Variants in ZFYVE28 observed in about 807,000 individuals in gnomAD.
ZFYVE28 encodes the protein zinc finger FYVE-type containing 28.
ZFYVE28 carries 40 observed loss-of-function variants against 82.1 expected under a neutral mutation model. The ratio of observed to expected loss-of-function variants is 0.49; its 90% CI spans 0.38 to 0.63. ZFYVE28 has a LOEUF of 0.63. Among genes scored for constraint, ZFYVE28 ranks in the 30% least tolerant of loss-of-function variants. The pLI is 0.00. For missense variants in ZFYVE28, 1,321 were observed against 1,242.1 expected (o/e 1.06, Z -0.96); for synonymous variants, 612 against 546.1 (o/e 1.12, Z -1.68).
intron 6 of ZFYVE28, among the ~76,000 whole-genome samples, chr4:2,326,189 G>A (rs975664883): frequency 1.3e-5 from 2 of 152,048 alleles, no homozygotes; most frequent in African/African-American, 4.8e-5. Context: ...TAGAGTTTCT[G>A]GTCTTATATT....
intron 3 of ZFYVE28, among the ~76,000 whole-genome samples, chr4:2,340,796 G>C (rs921015684): frequency 6.6e-6 from 1 of 152,158 alleles, no homozygotes; most frequent in Non-Finnish European, 1.5e-5. Context: ...TCAGAAGGTG[G>C]GGTGGGCAGG....
At chr4:2,347,348 G>C (rs1331734765) in intron 2 of ZFYVE28, among the ~76,000 whole-genome samples, 2 of 152,130 alleles carry the variant, frequency 1.3e-5, no homozygotes, top group Admixed American at 6.5e-5. Flanking sequence ...CCACTGATAA[G>C]ACATAGAAAG....
chr4:2,387,594 C>T (rs1238729445), intron 1 of ZFYVE28, among the ~76,000 whole-genome samples: 1 of 152,318 alleles, frequency 6.6e-6, no homozygotes, highest in Non-Finnish European at 1.5e-5. Context: ...CAGGGACCCT[C>T]GCCAGAGCTT....
At position 2,271,408 on chromosome 4, in the gene ZFYVE28, G is replaced by A. The variant is rs775691742; in HGVS notation, c.2435C>T (p.Pro812Leu). 8.7e-6 allele frequency: 14 copies of A among 1,612,324 alleles called. No individual in the cohort carries two copies. Among genetic ancestry groups the A allele is most frequent in the East Asian group, 2.2e-5 (1 of 44,872 alleles). Residue 812 changes from proline (P) to leucine (L), a missense_variant, in exon 12 of 13, where the codon CCG becomes CTG. Physicochemically the swap from Pro to Leu is moderately conservative, Grantham distance 98. Around this residue, in one of 2 missense-constraint regions of ZFYVE28, gnomAD observed 978 missense variants for 833.7 expected, o/e 1.17. Transcript: ENST00000290974. ...KTRDGDFEDPPEWVPDEACGF... is the reference protein window; with the variant it reads ...KTRDGDFEDPLEWVPDEACGF... ...ACAGGCCTCGTCTGGCACCCACTCCGGGGGGTCTGTCACAACAACAGCAGC... is the reference window on the plus strand; with the variant it reads ...ACAGGCCTCGTCTGGCACCCACTCCAGGGGGTCTGTCACAACAACAGCAGC...
At chr4:2,374,383 G>A (rs578134096) in intron 1 of ZFYVE28, among the ~76,000 whole-genome samples, 10 of 152,284 alleles carry the variant, frequency 6.6e-5, no homozygotes, top group South Asian at 2.1e-4. Flanking sequence ...CGGCCAAGGC[G>A]GGAGGATTGT....
At chr4:2,350,191 G>A (rs548370414) in intron 2 of ZFYVE28, among the ~76,000 whole-genome samples, 6 of 152,180 alleles carry the variant, frequency 3.9e-5, no homozygotes, top group South Asian at 2.1e-4. Flanking sequence ...TAGGCCGGGC[G>A]CAGTGGCTCA....
intron 8 of ZFYVE28, among the ~76,000 whole-genome samples, chr4:2,276,708 C>T (rs151048494): frequency 5.8e-4 from 88 of 152,174 alleles, no homozygotes; most frequent in East Asian, 2.7e-3. Flanking sequence ...AACCCAGCTA[C>T]CAAAGGATGC....
At chr4:2,277,543 C>G (rs949246568) in intron 8 of ZFYVE28, among the ~76,000 whole-genome samples, 4 of 151,902 alleles carry the variant, frequency 2.6e-5, no homozygotes, top group African/African-American at 4.8e-5. Context: ...GATATGGTAG[C>G]AATAAACTGA....
chr4:2,364,721 G>C, intron 1 of ZFYVE28: 2 of 985,492 alleles, frequency 2.0e-6, no homozygotes, highest in Non-Finnish European at 2.4e-6. Flanking sequence ...GGGTGACAGT[G>C]GTGGACGCAG....
At chr4:2,304,113 C>G (rs554370259) in intron 8 of ZFYVE28, among the ~76,000 whole-genome samples, 176 bp downstream of exon 8, 8 of 152,374 alleles carry the variant, frequency 5.3e-5, no homozygotes, top group Admixed American at 2.0e-4. Context: ...GCCTCTGCAG[C>G]CAGCTCCTGC....
chr4:2,418,170 G>C lies in ZFYVE28; in HGVS notation c.39+115C>G, dbSNP rs1170115030. The C allele has an allele frequency of 1.1e-6, 1 of 950,370 alleles. No individual in the cohort carries two copies. Among genetic ancestry groups the C allele is most frequent in the African/African-American group, 1.7e-5 (1 of 57,274 alleles). The allele number at this position is 950,370 out of a possible 1,614,324, so 58.9% of individuals were successfully genotyped here. A position where few individuals can be genotyped will look rare whatever the true frequency, so the allele number is the denominator to read the frequency against. On this transcript the variant is annotated intron_variant, in intron 1 of 12. Transcript: ENST00000290974. This position sits in a 1 kb window ranked among gnomAD's most constrained non-coding sequence, Gnocchi z 4.6. ...GGAGGGAAGGATGTCGGCGGTGGGG[G>C]AAGAGGCCGGCCACGGACAGGGAAA... is the stretch of plus-strand genomic sequence containing the variant.
chr4:2,297,982 C>T (rs1431221253), intron 8 of ZFYVE28, among the ~76,000 whole-genome samples: 5 of 138,634 alleles, frequency 3.6e-5, no homozygotes, highest in East Asian at 2.1e-4. Context: ...CACAGTGACA[C>T]GGCAGGCTGT....
At chr4:2,336,820 A>AG (rs1560228093) in intron 5 of ZFYVE28, among the ~76,000 whole-genome samples, 2 of 86,208 alleles carry the variant, frequency 2.3e-5, no homozygotes, top group Admixed American at 1.6e-4. Flanking sequence ...GGAGGTGTGG[A>AG]TTGAGGAGGT....
At chr4:2,354,815 A>G (rs1007637349) in intron 1 of ZFYVE28, among the ~76,000 whole-genome samples, 1 of 152,036 alleles carries the variant, frequency 6.6e-6, no homozygotes, top group African/African-American at 2.4e-5. Flanking sequence ...AATAACAATA[A>G]AATTTACTAC....
At chr4:2,355,132 T>C (rs909356632) in intron 1 of ZFYVE28, among the ~76,000 whole-genome samples, 1 of 146,514 alleles carries the variant, frequency 6.8e-6, no homozygotes, top group Admixed American at 7.0e-5. Flanking sequence ...TGCAAACAGC[T>C]TGTTCCCCTG....
intron 6 of ZFYVE28, chr4:2,330,121 T>C: frequency 4.2e-6 from 1 of 240,134 alleles, no homozygotes; most frequent in Non-Finnish European, 6.7e-6. Context: ...GGATGAAGGA[T>C]AATAGGGGGT....
intron 7 of ZFYVE28, among the ~76,000 whole-genome samples, chr4:2,309,857 T>C (rs1303840441): frequency 6.6e-6 from 1 of 152,170 alleles, no homozygotes; most frequent in East Asian, 1.9e-4. Flanking sequence ...ATGCTTTTCT[T>C]GTTCTGTTTT....
intron 1 of ZFYVE28, among the ~76,000 whole-genome samples, chr4:2,398,214 G>A (rs1730695226): frequency 2.6e-5 from 4 of 152,212 alleles, no homozygotes; most frequent in Non-Finnish European, 4.4e-5. Flanking sequence ...GGTGGGGAAG[G>A]CCAGTGCCCG....
intron 2 of ZFYVE28, among the ~76,000 whole-genome samples, chr4:2,345,714 G>C (rs1421578211): frequency 6.6e-6 from 1 of 151,112 alleles, no homozygotes; most frequent in African/African-American, 2.4e-5. Context: ...CAGAAGACAC[G>C]TTTTTAAAAA....
Sources: allele counts gnomAD v4.1 joint callset (sites outside exome capture counted in the v4.1 genomes callset), GRCh38; gene constraint gnomAD v4.1.1; regional missense constraint gnomAD v4.1.1; non-coding constraint Gnocchi (gnomAD v3.1); transcripts MANE v1.5; gene names NCBI Gene and HGNC (gene_info 2026-07-23, HGNC 2026-07-21).